AUTS2: variants seen among roughly 807,000 people sequenced by gnomAD.
AUTS2 encodes activator of transcription and developmental regulator AUTS2.
A neutral mutation model predicts 112.4 loss-of-function variants in AUTS2; 17 were observed. That is an observed-to-expected ratio of 0.15 (90% CI 0.10 to 0.23). The LOEUF (loss-of-function observed/expected upper bound fraction) is 0.23. AUTS2 is among the 10% of genes least tolerant of loss of function. AUTS2 has a pLI of 1.00. For missense variants in AUTS2, 1,510 were observed against 1,701.6 expected, an observed-to-expected ratio of 0.89 and a Z score of 1.98; for synonymous variants, 751 against 702.7, an observed-to-expected ratio of 1.07 and a Z score of -1.09.
chr7:70,137,072 T>A (rs1806604182), intron 4 of AUTS2, among the ~76,000 whole-genome samples: 1 of 152,248 alleles, frequency 6.6e-6, no homozygotes, highest in South Asian at 2.1e-4. Flanking sequence ...AGCCTTTGTT[T>A]TTGATCTGGT....
intron 1 of AUTS2, among the ~76,000 whole-genome samples, chr7:69,790,157 G>A (rs1198685854): frequency 1.3e-5 from 2 of 152,064 alleles, no homozygotes; most frequent in African/African-American, 4.8e-5. Flanking sequence ...TGAATGTGGT[G>A]GCACGTGCCT....
intron 1 of AUTS2, among the ~76,000 whole-genome samples, chr7:69,838,513 G>T (rs573823047): frequency 1.6e-4 from 25 of 152,232 alleles, no homozygotes; most frequent in Non-Finnish European, 3.1e-4. Context: ...TAGAGCTGGG[G>T]TTTGTACCCA....
intron 1 of AUTS2, among the ~76,000 whole-genome samples, chr7:69,676,753 G>C (rs181859011): frequency 5.3e-4 from 80 of 151,748 alleles, no homozygotes; most frequent in Middle Eastern, 3.5e-3. Flanking sequence ...ATTTTTCAGT[G>C]GATAGGCTCC....
At chr7:69,747,930 T>G (rs1370020614) in intron 1 of AUTS2, among the ~76,000 whole-genome samples, 1 of 152,218 alleles carries the variant, frequency 6.6e-6, no homozygotes, top group East Asian at 1.9e-4. Context: ...TTCATAGGGT[T>G]TCTTTGCTGA....
chr7:70,563,200 A>C (rs758459778), intron 5 of AUTS2, among the ~76,000 whole-genome samples: 3 of 152,186 alleles, frequency 2.0e-5, no homozygotes, highest in Non-Finnish European at 4.4e-5. Context: ...TGAAGATTGG[A>C]CTTAGATAAG....
intron 5 of AUTS2, among the ~76,000 whole-genome samples, chr7:70,517,823 T>G (rs1799480126): frequency 6.6e-6 from 1 of 151,994 alleles, no homozygotes; most frequent in African/African-American, 2.4e-5. Flanking sequence ...ACATACATAA[T>G]TTGTATATAC....
At chr7:70,561,379 G>A (rs1406422069) in intron 5 of AUTS2, among the ~76,000 whole-genome samples, 2 of 152,352 alleles carry the variant, frequency 1.3e-5, no homozygotes, top group East Asian at 3.9e-4. Flanking sequence ...TGTAATCCCA[G>A]CACTTTGGGA....
intron 1 of AUTS2, among the ~76,000 whole-genome samples, chr7:69,678,081 A>G (rs1255739823): frequency 2.0e-5 from 3 of 152,144 alleles, no homozygotes; most frequent in Admixed American, 6.5e-5. Flanking sequence ...CTGAAGGACA[A>G]TGATTTTGTA....
intron 5 of AUTS2, among the ~76,000 whole-genome samples, chr7:70,509,512 T>G (rs1341244765): frequency 1.3e-5 from 2 of 152,208 alleles, no homozygotes; most frequent in African/African-American, 2.4e-5. Flanking sequence ...CTTATAACAG[T>G]TCTAGAATAT....
At chr7:70,532,650 C>A (rs1457380175) in intron 5 of AUTS2, among the ~76,000 whole-genome samples, 1 of 152,208 alleles carries the variant, frequency 6.6e-6, no homozygotes, top group Admixed American at 6.5e-5. Context: ...GGGGGCACAG[C>A]AAATCCATAC....
intron 1 of AUTS2, among the ~76,000 whole-genome samples, chr7:69,774,710 A>G (rs762651673): frequency 2.6e-5 from 4 of 152,256 alleles, no homozygotes; most frequent in Non-Finnish European, 5.9e-5. Context: ...AGACTCAACA[A>G]ATAGTGTACT....
chr7:69,754,737 A>G (rs1183795594), intron 1 of AUTS2, among the ~76,000 whole-genome samples: 1 of 152,158 alleles, frequency 6.6e-6, no homozygotes. Context: ...TAATCTGCAT[A>G]TCTTAGCTCA....
chr7:69,865,283 C>T lies in AUTS2; in HGVS notation c.310-34003C>T, dbSNP rs187086310. ...TTGTCTGGTCTTTGGGCCTGGGCTACACACATGCCCTTTGACACTTATGGT... is the reference window on the plus strand; with the variant it reads ...TTGTCTGGTCTTTGGGCCTGGGCTATACACATGCCCTTTGACACTTATGGT... On this transcript the variant is annotated intron_variant, in intron 1 of 18. Coordinates refer to ENST00000342771, the MANE Select transcript of AUTS2 (RefSeq NM_015570.4). Among the ~76,000 whole-genome samples, 1,378 of 152,208 alleles carry T rather than the reference C, an allele frequency of 9.1e-3. 15 individuals are homozygous for T. The highest frequency in any genetic ancestry group is 0.016 in the Non-Finnish European group (1,074 of 67,998).
intron 3 of AUTS2, chr7:70,119,067 G>C (rs1169175547): frequency 6.8e-6 from 1 of 148,024 alleles, no homozygotes; most frequent in Non-Finnish European, 1.5e-5. Flanking sequence ...TCGGCTCACT[G>C]CAACCTCTGC....
At chr7:70,551,393 C>T (rs1448343900) in intron 5 of AUTS2, among the ~76,000 whole-genome samples, 1 of 152,154 alleles carries the variant, frequency 6.6e-6, no homozygotes, top group Non-Finnish European at 1.5e-5. Context: ...TCACAAATCA[C>T]ATTAATAGAA....
chr7:70,045,309 C>T (rs1312869286), intron 2 of AUTS2, among the ~76,000 whole-genome samples: 2 of 152,104 alleles, frequency 1.3e-5, no homozygotes, highest in African/African-American at 4.8e-5. Flanking sequence ...AACTGTTGCG[C>T]ATTTGAAATA....
chr7:69,879,298 C>G (rs1186564251), intron 1 of AUTS2, among the ~76,000 whole-genome samples: 1 of 150,822 alleles, frequency 6.6e-6, no homozygotes, highest in Non-Finnish European at 1.5e-5. Flanking sequence ...CATGTGCCAC[C>G]ATGCCCGGCT....
intron 4 of AUTS2, among the ~76,000 whole-genome samples, chr7:70,146,432 GT>G (rs1807128926): frequency 6.6e-6 from 1 of 151,962 alleles, no homozygotes; most frequent in African/African-American, 2.4e-5. Context: ...GTTTGTGTTT[GT>G]GACATACTCT....
At chr7:70,048,665 A>G (rs980755789) in intron 2 of AUTS2, among the ~76,000 whole-genome samples, 1 of 152,214 alleles carries the variant, frequency 6.6e-6, no homozygotes, top group Non-Finnish European at 1.5e-5. Flanking sequence ...AAGTATACCT[A>G]TTATACGTTG....
Sources: allele counts gnomAD v4.1 joint callset (sites outside exome capture counted in the v4.1 genomes callset), GRCh38; gene constraint gnomAD v4.1.1; transcripts MANE v1.5; gene names NCBI Gene and HGNC (gene_info 2026-07-23, HGNC 2026-07-21).